The following EXD3 variants were observed in gnomAD, a reference collection of about 807,000 sequenced individuals.
EXD3 encodes the protein exonuclease mut-7 homolog.
In EXD3, 92 loss-of-function variants were observed where a neutral mutation model predicts 98.0. The ratio of observed to expected loss-of-function variants is 0.94; its 90% CI spans 0.79 to 1.12. The LOEUF (loss-of-function observed/expected upper bound fraction) is 1.12. Among genes scored for constraint, EXD3 ranks in the 50% most tolerant of loss-of-function variants. The pLI is 0.00. For missense variants in EXD3, 1,222 were observed against 1,191.6 expected, an observed-to-expected ratio of 1.03 and a Z score of -0.38; for synonymous variants, 569 against 526.0, an observed-to-expected ratio of 1.08 and a Z score of -1.12.
At chr9:137,323,676 C>A in intron 19 of EXD3, 49 bp downstream of exon 19, 1 of 1,597,946 alleles carries the variant, frequency 6.3e-7, no homozygotes, top group South Asian at 1.1e-5. Context: ...ACCCCCGTAG[C>A]TCCAGATCTT....
At chr9:137,422,877 G>T (rs937674820) in intron 1 of EXD3, among the ~76,000 whole-genome samples, 1 of 152,114 alleles carries the variant, frequency 6.6e-6, no homozygotes, top group African/African-American at 2.4e-5. Context: ...CGCCGGGGTC[G>T]GCTCAGCTCC....
At chr9:137,322,144 G>A (rs1442844178) in intron 19 of EXD3, among the ~76,000 whole-genome samples, 1 of 152,188 alleles carries the variant, frequency 6.6e-6, no homozygotes, top group East Asian at 1.9e-4. Context: ...CCAAGCAGAC[G>A]CAGGCTGTCC....
At chr9:137,312,646 G>A (rs921021357) in intron 19 of EXD3, among the ~76,000 whole-genome samples, 1 of 152,050 alleles carries the variant, frequency 6.6e-6, no homozygotes, top group South Asian at 2.1e-4. Flanking sequence ...CACTGCCCCA[G>A]AGCTGGCCAT....
intron 7 of EXD3, among the ~76,000 whole-genome samples, chr9:137,364,070 G>T (rs1835109689): frequency 6.6e-6 from 1 of 152,086 alleles, no homozygotes; most frequent in African/African-American, 2.4e-5. Context: ...CTGTTAGCTG[G>T]AAGATGTTGT....
chr9:137,314,113 G>T (rs1399731950), intron 19 of EXD3, among the ~76,000 whole-genome samples: 1 of 152,180 alleles, frequency 6.6e-6, no homozygotes, highest in African/African-American at 2.4e-5. Context: ...GTGGGGACTG[G>T]GGTGTGGGCC....
chr9:137,342,707 C>T (rs941656358), intron 17 of EXD3, among the ~76,000 whole-genome samples: 2 of 152,206 alleles, frequency 1.3e-5, no homozygotes, highest in African/African-American at 2.4e-5. Flanking sequence ...GTTTCCCAGC[C>T]GAGTTCCCAG....
Position 137,415,260 on chromosome 9 carries a change from G to A in EXD3, c.-48+7854C>T, listed in dbSNP as rs189727087. Among the ~76,000 whole-genome samples, 99 of 151,576 alleles carry A rather than the reference G, an allele frequency of 6.5e-4. 1 individual carries two copies. In the East Asian group the frequency reaches 0.014, roughly 21 times the overall value. On this transcript the variant is annotated intron_variant, in intron 1 of 21. Coordinates refer to ENST00000340951, the MANE Select transcript of EXD3 (RefSeq NM_017820.5). ...GCTCTGTTGCCCAGGCTGGAGTGCAGTGGGGCGATCTCAGCTGACTGCAAC... is the reference window on the plus strand; with the variant it reads ...GCTCTGTTGCCCAGGCTGGAGTGCAATGGGGCGATCTCAGCTGACTGCAAC...
rs547692604 is a variant in EXD3, at chr9:137,359,207, G to C, written c.657-2839C>G. On this transcript the variant is annotated intron_variant, in intron 7 of 21. Coordinates refer to ENST00000340951, the MANE Select transcript of EXD3 (RefSeq NM_017820.5). ...GTTAGTCTCGATCTCCTGACCTCATGATCTGCCTGCCTCGGCCTCCCAAAG... is the reference window on the plus strand; with the variant it reads ...GTTAGTCTCGATCTCCTGACCTCATCATCTGCCTGCCTCGGCCTCCCAAAG... Among the ~76,000 whole-genome samples the C allele has an allele frequency of 4.2e-4, 35 of 83,110 alleles. 10 individuals are homozygous for C. The highest frequency in any genetic ancestry group is 1.1e-3 in the African/African-American group (32 of 30,234). 54.5% of individuals were successfully genotyped at this position (83,110 alleles called of 152,430 possible). A position where few individuals can be genotyped will look rare whatever the true frequency, so the allele number is the denominator to read the frequency against.
At chr9:137,415,430 G>C (rs936136681) in intron 1 of EXD3, among the ~76,000 whole-genome samples, 22 of 152,102 alleles carry the variant, frequency 1.4e-4, no homozygotes, top group Admixed American at 8.5e-4. Context: ...CTGACCTCAG[G>C]TGATCAGCCT....
intron 1 of EXD3, among the ~76,000 whole-genome samples, chr9:137,419,624 G>A (rs530815187): frequency 5.9e-5 from 9 of 152,024 alleles, no homozygotes; most frequent in African/African-American, 1.9e-4. Flanking sequence ...AGCCAAGATC[G>A]CACCACTACA....
At chr9:137,355,671 G>GGGAGGAAGGAGGAA (rs1834710218) in intron 8 of EXD3, among the ~76,000 whole-genome samples, 4 of 19,082 alleles carry the variant, frequency 2.1e-4, no homozygotes, top group African/African-American at 5.6e-4. Context: ...GAAGGAGAAA[G>GGGAGGAAGGAGGAA]GGAGGATGGA....
chr9:137,354,438 G>A, intron 9 of EXD3, 61 bp from the exon 10 acceptor site: 4 of 1,608,452 alleles, frequency 2.5e-6, no homozygotes, highest in Non-Finnish European at 3.4e-6. Context: ...ATCGGGGCCT[G>A]GTGGGAGTTT....
At chr9:137,356,696 C>T (rs1445404809) in intron 7 of EXD3, among the ~76,000 whole-genome samples, 1 of 152,216 alleles carries the variant, frequency 6.6e-6, no homozygotes, top group African/African-American at 2.4e-5. Context: ...AAATCAGCAC[C>T]TTCCTCACTG....
chr9:137,412,768 T>C (rs888103727), intron 1 of EXD3, among the ~76,000 whole-genome samples: 30 of 152,204 alleles, frequency 2.0e-4, no homozygotes, highest in African/African-American at 6.8e-4. Flanking sequence ...GTGTTTACCA[T>C]CTCAGTGACC....
At chr9:137,373,926 G>A (rs761995152) in intron 3 of EXD3, among the ~76,000 whole-genome samples, 15 of 152,248 alleles carry the variant, frequency 9.9e-5, no homozygotes, top group Non-Finnish European at 1.8e-4. Flanking sequence ...CGGCACTCGC[G>A]GGACACGGGC....
At chr9:137,344,166 C>G (rs746811108) in intron 17 of EXD3, among the ~76,000 whole-genome samples, 11 of 152,064 alleles carry the variant, frequency 7.2e-5, no homozygotes, top group Non-Finnish European at 1.6e-4. Context: ...GCTGGGATTA[C>G]AGGTGTGAGC....
chr9:137,381,098 T>TCA (rs1554730504), intron 3 of EXD3: 10,187 of 134,576 alleles, frequency 0.076, 675 homozygotes, highest in African/African-American at 0.18. Flanking sequence ...AGACTCTGTC[T>TCA]CACACACACA....
chr9:137,420,576 C>T (rs1380605086), intron 1 of EXD3, among the ~76,000 whole-genome samples: 1 of 152,108 alleles, frequency 6.6e-6, no homozygotes, highest in Non-Finnish European at 1.5e-5. Flanking sequence ...AATCGAGGTT[C>T]GCTTTATAGA....
intron 3 of EXD3, among the ~76,000 whole-genome samples, chr9:137,382,657 C>T (rs547399534): frequency 2.6e-4 from 39 of 152,234 alleles, no homozygotes; most frequent in Admixed American, 9.2e-4. Context: ...CAGAGGGCAT[C>T]CCCCGGGCCT....
Sources: gnomAD v4.1 joint callset for allele counts (sites outside exome capture counted in the v4.1 genomes callset) on GRCh38, gnomAD v4.1.1 for gene constraint, MANE v1.5 for transcripts, NCBI Gene and HGNC (gene_info 2026-07-23, HGNC 2026-07-21) for gene names.